DPP10: variants seen among roughly 807,000 people sequenced by gnomAD.
The protein encoded by DPP10 is inactive dipeptidyl peptidase 10.
In DPP10, 33 loss-of-function variants were observed where a neutral mutation model predicts 120.9. The ratio of observed to expected loss-of-function variants is 0.27; its 90% CI spans 0.21 to 0.37. The LOEUF is 0.37. DPP10 is among the 10% of genes least tolerant of loss of function. The pLI is 1.00. For synonymous variants in DPP10, 337 were observed against 326.1 expected, an observed-to-expected ratio of 1.03 and a Z score of -0.36; for missense variants, 816 against 942.8, an observed-to-expected ratio of 0.87 and a Z score of 1.76.
At position 114,574,090 on chromosome 2, in the gene DPP10, T is replaced by A. The variant is rs1392700534; in HGVS notation, c.60+131252T>A. Among the ~76,000 whole-genome samples, 4 of 152,120 alleles carry A rather than the reference T, an allele frequency of 2.6e-5. 1 individual carries two copies. In the East Asian group the frequency reaches 5.8e-4, roughly 22 times the overall value. On this transcript the variant is annotated intron_variant, in intron 1 of 25. Coordinates refer to ENST00000410059, the MANE Select transcript of DPP10 (RefSeq NM_020868.6). ...AGAAATATCCTGTTTTATGCAATGA[T>A]GGGGAAGAAAATGAAAGACTCAGGA... is the stretch of plus-strand genomic sequence containing the variant.
At chr2:114,674,882 GT>G (rs1327726554) in intron 1 of DPP10, among the ~76,000 whole-genome samples, 1 of 152,152 alleles carries the variant, frequency 6.6e-6, no homozygotes, top group African/African-American at 2.4e-5. Context: ...AATTTAGAAA[GT>G]TTAGATTACA....
intron 1 of DPP10, among the ~76,000 whole-genome samples, chr2:114,488,827 G>A (rs1681739186): frequency 6.6e-6 from 1 of 151,970 alleles, no homozygotes; most frequent in African/African-American, 2.4e-5. Context: ...CCTCCTATTT[G>A]GAAGCATAGG....
chr2:115,587,692 A>G (rs2082383306), intron 5 of DPP10, among the ~76,000 whole-genome samples: 2 of 152,234 alleles, frequency 1.3e-5, no homozygotes, highest in Admixed American at 1.3e-4. Flanking sequence ...CTATGTATAT[A>G]CAATGGAAAA....
intron 1 of DPP10, among the ~76,000 whole-genome samples, chr2:114,780,371 T>G (rs17043542): frequency 0.042 from 6,440 of 152,230 alleles, 220 homozygotes; most frequent in Middle Eastern, 0.093. Context: ...GATCTTTATA[T>G]TCTTTGGAAA....
At chr2:115,168,577 C>G (rs1234608925) in intron 1 of DPP10, among the ~76,000 whole-genome samples, 2 of 152,154 alleles carry the variant, frequency 1.3e-5, no homozygotes, top group Non-Finnish European at 2.9e-5. Context: ...CTGGCAATAA[C>G]CAATCTCTGT....
At chr2:115,050,185 A>G (rs1273220886) in intron 1 of DPP10, 3 of 152,196 alleles carry the variant, frequency 2.0e-5, no homozygotes, top group African/African-American at 7.2e-5. Flanking sequence ...AGAAATTGGG[A>G]GACCATTTGT....
At chr2:115,711,676 G>A (rs901875149) in intron 7 of DPP10, among the ~76,000 whole-genome samples, 2 of 152,082 alleles carry the variant, frequency 1.3e-5, no homozygotes, top group African/African-American at 4.8e-5. Context: ...TGAGGAGGCC[G>A]AGAAGATAAA....
chr2:114,506,475 G>A (rs192459215), intron 1 of DPP10, among the ~76,000 whole-genome samples: 7 of 152,174 alleles, frequency 4.6e-5, no homozygotes, highest in African/African-American at 1.4e-4. Context: ...CCATGAGTGC[G>A]GGTACAAAAG....
intron 1 of DPP10, among the ~76,000 whole-genome samples, chr2:115,125,151 G>A (rs889911207): frequency 5.9e-5 from 9 of 152,146 alleles, no homozygotes; most frequent in Non-Finnish European, 8.8e-5. Flanking sequence ...ATTGCTGAAA[G>A]GGGTAATCCA....
rs574073049 is a variant in DPP10, at chr2:114,718,400, G to GGAAA, written c.60+275562_60+275563insGAAA. Among the ~76,000 whole-genome samples the GGAAA allele has an allele frequency of 4.9e-5, 4 of 81,192 alleles. No homozygotes were observed. In the South Asian group the frequency reaches 2.3e-3, roughly 46 times the overall value. 53.3% of individuals were successfully genotyped at this position (81,192 alleles called of 152,430 possible). A position where few individuals can be genotyped will look rare whatever the true frequency, so the allele number is the denominator to read the frequency against. ...TGGGCGAGAGTGAGAGACTCTGTTT[G>GGAAA]AAAAAAAAAAAAAAAAAAAAAAAAA... On this transcript the variant is annotated intron_variant, in intron 1 of 25. Transcript: ENST00000410059.
At chr2:114,532,263 AT>A (rs1369022852) in intron 1 of DPP10, among the ~76,000 whole-genome samples, 4 of 18,114 alleles carry the variant, frequency 2.2e-4, no homozygotes, top group African/African-American at 5.3e-4. Context: ...CTCCATATAT[AT>A]ATATATATAT....
At chr2:115,534,481 G>T (rs948694820) in intron 5 of DPP10, among the ~76,000 whole-genome samples, 1 of 151,384 alleles carries the variant, frequency 6.6e-6, no homozygotes, top group African/African-American at 2.4e-5. Context: ...TGGTGTATAT[G>T]TGCCACATTT....
At chr2:115,520,944 A>G (rs2148877936) in intron 4 of DPP10, among the ~76,000 whole-genome samples, 1 of 152,320 alleles carries the variant, frequency 6.6e-6, no homozygotes, top group East Asian at 1.9e-4. Context: ...GCAGTTCCAA[A>G]CAACCTAGAA....
At chr2:114,914,799 G>A (rs909581542) in intron 1 of DPP10, among the ~76,000 whole-genome samples, 1 of 152,168 alleles carries the variant, frequency 6.6e-6, no homozygotes, top group African/African-American at 2.4e-5. Context: ...CTATCTTCAA[G>A]AGACCCATCT....
intron 3 of DPP10, among the ~76,000 whole-genome samples, chr2:115,453,149 A>G (rs920827867): frequency 1.3e-5 from 2 of 151,454 alleles, no homozygotes; most frequent in African/African-American, 4.8e-5. Flanking sequence ...ATTTTTTTCA[A>G]TTACTCCTCA....
chr2:115,125,267 T>A (rs1462886181), intron 1 of DPP10, among the ~76,000 whole-genome samples: 1 of 152,172 alleles, frequency 6.6e-6, no homozygotes, highest in Non-Finnish European at 1.5e-5. Context: ...CTTGTAAAAA[T>A]CATCTCTGAG....
chr2:115,459,465 G>A (rs992069635), intron 3 of DPP10, among the ~76,000 whole-genome samples: 1 of 152,012 alleles, frequency 6.6e-6, no homozygotes, highest in African/African-American at 2.4e-5. Flanking sequence ...CTGTGAGTTT[G>A]ATTTTAATAT....
chr2:114,622,755 C>T (rs988184122), intron 1 of DPP10, among the ~76,000 whole-genome samples: 2 of 152,090 alleles, frequency 1.3e-5, no homozygotes, highest in Non-Finnish European at 2.9e-5. Context: ...TTTTAGTTGC[C>T]ACCTTGCTAC....
intron 5 of DPP10, among the ~76,000 whole-genome samples, chr2:115,652,512 T>C (rs560103007): frequency 2.0e-5 from 3 of 151,504 alleles, no homozygotes; most frequent in South Asian, 4.2e-4. Flanking sequence ...ATATAGGAAT[T>C]AGCATATGAA....
Sources: allele counts gnomAD v4.1 joint callset (sites outside exome capture counted in the v4.1 genomes callset), GRCh38; gene constraint gnomAD v4.1.1; transcripts MANE v1.5; gene names NCBI Gene and HGNC (gene_info 2026-07-23, HGNC 2026-07-21).